The following PRR16 variants were observed in gnomAD, a reference collection of about 807,000 sequenced individuals.
PRR16 encodes proline rich 16.
Under a neutral mutation model 18.2 loss-of-function variants are expected in PRR16, and 6 were observed. That is an observed-to-expected ratio of 0.33 (90% confidence interval 0.18 to 0.65). The LOEUF (loss-of-function observed/expected upper bound fraction) is 0.65. Among genes scored for constraint, PRR16 ranks in the 30% least tolerant of loss-of-function variants. The pLI is 0.74. For synonymous variants in PRR16, 151 were observed against 147.8 expected (o/e 1.02, Z -0.16); for missense variants, 412 against 376.6 (o/e 1.09, Z -0.78).
the PRR16 span, among the ~76,000 whole-genome samples, chr5:120,784,353 A>C: frequency 6.6e-6 from 1 of 152,160 alleles, no homozygotes; most frequent in Admixed American, 6.5e-5. Flanking sequence ...CTTTATCTAC[A>C]TCTTTGCTAG....
intron 1 of PRR16, among the ~76,000 whole-genome samples, chr5:120,529,988 A>T (rs1293115299): frequency 2.6e-5 from 4 of 151,464 alleles, no homozygotes; most frequent in Non-Finnish European, 5.9e-5. Context: ...GGAGGAAATG[A>T]GAAAAAGAAA....
At chr5:120,711,311 T>C in the PRR16 span, among the ~76,000 whole-genome samples, 4 of 152,318 alleles carry the variant, frequency 2.6e-5, no homozygotes, top group Admixed American at 2.6e-4. Flanking sequence ...ATAATTTACT[T>C]GATTTTTTCT....
At chr5:120,745,450 G>C in the PRR16 span, among the ~76,000 whole-genome samples, 2 of 152,016 alleles carry the variant, frequency 1.3e-5, no homozygotes, top group South Asian at 2.1e-4. Flanking sequence ...ATTTTTAGCA[G>C]ATTTTTTCAG....
chr5:120,625,659 C>G (rs1428382285), intron 1 of PRR16, among the ~76,000 whole-genome samples: 4 of 152,194 alleles, frequency 2.6e-5, no homozygotes, highest in Admixed American at 2.6e-4. Flanking sequence ...TCTTTGCTCT[C>G]CCCCGTATAA....
intron 1 of PRR16, among the ~76,000 whole-genome samples, chr5:120,663,414 G>A (rs548785528): frequency 6.6e-6 from 1 of 151,698 alleles, no homozygotes; most frequent in Non-Finnish European, 1.5e-5. Context: ...CATGTTTGCT[G>A]TTGAAAAGGT....
chr5:120,546,432 T>C (rs549517053), intron 1 of PRR16, among the ~76,000 whole-genome samples: 1 of 152,216 alleles, frequency 6.6e-6, no homozygotes, highest in East Asian at 1.9e-4. Flanking sequence ...CATTAAAAAC[T>C]AGAAGATTCT....
the PRR16 span, among the ~76,000 whole-genome samples, chr5:120,733,024 G>A: frequency 5.9e-5 from 9 of 152,174 alleles, no homozygotes; most frequent in Admixed American, 5.9e-4. Flanking sequence ...TGGAATGGAA[G>A]CCTGCAAACC....
At chr5:120,564,596 A>C (rs1580729704) in intron 1 of PRR16, among the ~76,000 whole-genome samples, 1 of 152,130 alleles carries the variant, frequency 6.6e-6, no homozygotes, top group Non-Finnish European at 1.5e-5. Flanking sequence ...CCCCAAGTAC[A>C]CAGACTTTCC....
rs561264161 is a variant in PRR16, at chr5:120,593,190, T to C, written c.160-92764T>C. 9.4e-4 allele frequency among the ~76,000 whole-genome samples: 143 copies of C among 151,756 alleles called. 1 individual carries two copies. The highest frequency in any genetic ancestry group is 3.9e-3 in the South Asian group (19 of 4,818). On this transcript the variant is annotated intron_variant, in intron 1 of 1. Coordinates refer to ENST00000407149, the MANE Select transcript of PRR16 (RefSeq NM_001300783.2). ...AGAGCTGAACTGAAGGAGATTGAGA[T>C]AGGAAAAACCATACAAAAGATGAAG... is the stretch of plus-strand genomic sequence containing the variant.
chr5:120,562,830 T>C (rs1752618147), intron 1 of PRR16, among the ~76,000 whole-genome samples: 1 of 152,188 alleles, frequency 6.6e-6, no homozygotes, highest in African/African-American at 2.4e-5. Flanking sequence ...TATGTCTTAT[T>C]GTATTGTCTA....
At chr5:120,593,296 C>T (rs1753696617) in intron 1 of PRR16, among the ~76,000 whole-genome samples, 1 of 151,888 alleles carries the variant, frequency 6.6e-6, no homozygotes, top group Non-Finnish European at 1.5e-5. Context: ...CAAATAAGCA[C>T]AATTACAAAT....
At chr5:120,625,558 AAG>A (rs1384934898) in intron 1 of PRR16, among the ~76,000 whole-genome samples, 1 of 152,098 alleles carries the variant, frequency 6.6e-6, no homozygotes, top group African/African-American at 2.4e-5. Flanking sequence ...GACTGGTCTC[AAG>A]CTCCTGGACT....
At chr5:120,506,017 C>T (rs1360908794) in intron 1 of PRR16, among the ~76,000 whole-genome samples, 1 of 150,004 alleles carries the variant, frequency 6.7e-6, no homozygotes, top group African/African-American at 2.4e-5. Context: ...ACATTTACTT[C>T]ATCATGTTCA....
intron 1 of PRR16, among the ~76,000 whole-genome samples, chr5:120,611,154 A>G (rs1165440229): frequency 3.3e-5 from 5 of 152,206 alleles, no homozygotes; most frequent in Non-Finnish European, 5.9e-5. Flanking sequence ...GGTATCTGGC[A>G]GAAGAAATTT....
chr5:120,626,148 A>G (rs1384883565), intron 1 of PRR16, among the ~76,000 whole-genome samples: 1 of 152,162 alleles, frequency 6.6e-6, no homozygotes, highest in Admixed American at 6.6e-5. Flanking sequence ...GTGTATACCC[A>G]TAAAACTGGG....
At chr5:120,574,165 G>T (rs1753000928) in intron 1 of PRR16, among the ~76,000 whole-genome samples, 1 of 152,104 alleles carries the variant, frequency 6.6e-6, no homozygotes. Flanking sequence ...GAATTAAAAT[G>T]CATGGAACAG....
At chr5:120,667,310 T>A (rs1561604373) in intron 1 of PRR16, among the ~76,000 whole-genome samples, 1 of 149,196 alleles carries the variant, frequency 6.7e-6, no homozygotes, top group East Asian at 1.9e-4. Flanking sequence ...ATCCCCTTTA[T>A]CATTTTTTAT....
At chr5:120,489,840 A>T (rs1749960719) in intron 1 of PRR16, among the ~76,000 whole-genome samples, 1 of 152,150 alleles carries the variant, frequency 6.6e-6, no homozygotes, top group African/African-American at 2.4e-5. Context: ...CTTTTAGGGC[A>T]GGCCTGGTGG....
intron 1 of PRR16, among the ~76,000 whole-genome samples, chr5:120,593,630 G>C (rs1262145302): frequency 6.6e-6 from 1 of 152,042 alleles, no homozygotes; most frequent in Non-Finnish European, 1.5e-5. Context: ...TCTGGAGGAG[G>C]TACTTCTCTC....
Sources: gnomAD v4.1 joint callset for allele counts (sites outside exome capture counted in the v4.1 genomes callset) on GRCh38, gnomAD v4.1.1 for gene constraint, MANE v1.5 for transcripts, NCBI Gene and HGNC (gene_info 2026-07-23, HGNC 2026-07-21) for gene names.